MCRIP1: variants seen among roughly 807,000 people sequenced by gnomAD.
MCRIP1 encodes mapk-regulated corepressor-interacting protein 1.
A neutral mutation model predicts 14.4 loss-of-function variants in MCRIP1; 10 were observed. The ratio of observed to expected loss-of-function variants is 0.70; its 90% CI spans 0.43 to 1.18. The LOEUF (loss-of-function observed/expected upper bound fraction) is 1.18, where lower values mean the gene tolerates loss of function less well. Among genes scored for constraint, MCRIP1 ranks in the 50% most tolerant of loss-of-function variants. MCRIP1 has a pLI of 0.00. For synonymous variants in MCRIP1, 53 were observed against 55.7 expected, an observed-to-expected ratio of 0.95 and a Z score of 0.21; for missense variants, 119 against 135.4, an observed-to-expected ratio of 0.88 and a Z score of 0.60.
intron 1 of MCRIP1, 130 bp downstream of exon 1, chr17:81,833,108 C>T (rs1437811917): frequency 6.8e-6 from 1 of 147,584 alleles, no homozygotes; most frequent in East Asian, 1.9e-4. Flanking sequence ...GCTGCCCGGC[C>T]ACTCCCCCGC....
intron 1 of MCRIP1, chr17:81,826,402 T>C: frequency 1.3e-6 from 2 of 1,534,148 alleles, no homozygotes; most frequent in Non-Finnish European, 1.7e-6. Context: ...CATGCACTTG[T>C]AGTCCCAGCT....
chr17:81,823,857 G>A lies in MCRIP1; in HGVS notation c.128-344C>T. ...TCATCCACGCACCTCCCCGGCCCCA[G>A]CACACGGCACACTCCCCTAATCCCA... is the stretch of plus-strand genomic sequence containing the variant. On this transcript the variant is annotated intron_variant, in intron 3 of 4. Transcript: ENST00000455127. This position sits in a 1 kb window ranked among gnomAD's most constrained non-coding sequence, Gnocchi z 6.0. 1 of 544,496 alleles carries A rather than the reference G, an allele frequency of 1.8e-6. No individual in the cohort carries two copies. Among genetic ancestry groups the A allele is most frequent in the Non-Finnish European group, 3.3e-6 (1 of 306,516 alleles). 33.7% of individuals were successfully genotyped at this position (544,496 alleles called of 1,614,324 possible).
chr17:81,827,055 T>C (rs1339140849), intron 1 of MCRIP1, among the ~76,000 whole-genome samples: 1 of 138,502 alleles, frequency 7.2e-6, no homozygotes, highest in Non-Finnish European at 1.6e-5. Context: ...GAGGCGGAGG[T>C]TGCAGTGAGC....
chr17:81,833,041 G>A (rs997044571), intron 1 of MCRIP1, among the ~76,000 whole-genome samples, 197 bp downstream of exon 1: 2 of 150,772 alleles, frequency 1.3e-5, no homozygotes, highest in African/African-American at 4.8e-5. Flanking sequence ...GCGCCCCGCG[G>A]GCCGCGCCCT....
chr17:81,832,488 C>G (rs534221105), intron 1 of MCRIP1, among the ~76,000 whole-genome samples: 1 of 152,356 alleles, frequency 6.6e-6, no homozygotes, highest in South Asian at 2.1e-4. Flanking sequence ...TACACGTTCT[C>G]GCCACATCCC....
At chr17:81,825,262 A>C in intron 1 of MCRIP1, 1 of 1,097,388 alleles carries the variant, frequency 9.1e-7, no homozygotes, top group Non-Finnish European at 1.1e-6. Context: ...CTCCCAGCCC[A>C]GGGGAATCCA....
At chr17:81,831,336 G>A (rs1378752710) in intron 1 of MCRIP1, among the ~76,000 whole-genome samples, 1 of 140,192 alleles carries the variant, frequency 7.1e-6, no homozygotes, top group Non-Finnish European at 1.5e-5. Flanking sequence ...GACAGAGCAA[G>A]ACTCTATCTC....
chr17:81,823,121 C>A lies in MCRIP1; in HGVS notation c.*126G>T. 1 of 889,140 alleles carries A rather than the reference C, an allele frequency of 1.1e-6. No homozygotes were observed. The highest frequency in any genetic ancestry group is 1.5e-5 in the South Asian group (1 of 67,776). 55.1% of individuals were successfully genotyped at this position (889,140 alleles called of 1,614,324 possible). A position where few individuals can be genotyped will look rare whatever the true frequency, so the allele number is the denominator to read the frequency against. On this transcript the variant is annotated 3_prime_UTR_variant, in exon 5 of 5. Coordinates refer to ENST00000455127, the MANE Select transcript of MCRIP1 (RefSeq NM_207368.5). This position sits in a 1 kb window ranked among gnomAD's most constrained non-coding sequence, Gnocchi z 6.0. Reference sequence around the variant, plus strand: ...AGGCAGGCCTCAGCCGTCAGTCACGCCAGTGCTGGGATCTGCAGCCCGCTG... The same window carrying A: ...AGGCAGGCCTCAGCCGTCAGTCACGACAGTGCTGGGATCTGCAGCCCGCTG...
rs1267852375 is a variant in MCRIP1 at position 81,823,366 on chromosome 17, CCCGGCCTG to C, written c.229+38_229+45del. 2 of 1,536,174 alleles carry C rather than the reference CCCGGCCTG, an allele frequency of 1.3e-6. No homozygotes were observed. Among genetic ancestry groups the C allele is most frequent in the East Asian group, 4.9e-5 (2 of 40,898 alleles). On this transcript the variant is annotated intron_variant, in intron 4 of 4. Transcript: ENST00000455127. This position sits in a 1 kb window ranked among gnomAD's most constrained non-coding sequence, Gnocchi z 6.0. ...GCACAGGCCCCTCCTGCCCATGAGGCCCGGCCTGCCGGCCCAGCCCTGCCCCCAGGTCA... is the reference window on the plus strand; with the variant it reads ...GCACAGGCCCCTCCTGCCCATGAGGCCCGGCCCAGCCCTGCCCCCAGGTCA...
intron 1 of MCRIP1, among the ~76,000 whole-genome samples, chr17:81,827,507 G>C (rs980691065): frequency 2.6e-5 from 4 of 151,854 alleles, no homozygotes; most frequent in African/African-American, 9.7e-5. Context: ...TCCTGACCTT[G>C]TGATCCACCC....
intron 1 of MCRIP1, among the ~76,000 whole-genome samples, 174 bp downstream of exon 1, chr17:81,833,064 G>C (rs1359788205): frequency 6.7e-6 from 1 of 149,948 alleles, no homozygotes; most frequent in Non-Finnish European, 1.5e-5. Flanking sequence ...TGCAGGTGCC[G>C]GGCGGGGAAC....
At chr17:81,828,275 C>T (rs758161843) in intron 1 of MCRIP1, among the ~76,000 whole-genome samples, 3 of 147,086 alleles carry the variant, frequency 2.0e-5, no homozygotes, top group Non-Finnish European at 4.5e-5. Flanking sequence ...CCCCACCCCC[C>T]GACCCTGCAC....
At chr17:81,825,668 G>A (rs906312761) in intron 1 of MCRIP1, 9 of 1,289,214 alleles carry the variant, frequency 7.0e-6, no homozygotes, top group Non-Finnish European at 9.1e-6. Flanking sequence ...CCAGCAAAGA[G>A]CAGAAAACCA....
intron 1 of MCRIP1, among the ~76,000 whole-genome samples, chr17:81,830,509 C>T (rs1353756542): frequency 6.6e-6 from 1 of 151,620 alleles, no homozygotes; most frequent in Non-Finnish European, 1.5e-5. Flanking sequence ...TGGTGGCAGT[C>T]GCCTGTAATC....
intron 1 of MCRIP1, among the ~76,000 whole-genome samples, chr17:81,830,891 C>T (rs575285372): frequency 3.1e-4 from 47 of 150,560 alleles, no homozygotes; most frequent in Non-Finnish European, 4.0e-4. Context: ...TTAGGCCAGG[C>T]GCAGTGGCTC....
chr17:81,823,532 G>C lies in MCRIP1; in HGVS notation c.128-19C>G. The C allele has an allele frequency of 6.5e-7, 1 of 1,533,676 alleles. No homozygotes were observed. The highest frequency in any genetic ancestry group is 8.7e-7 in the Non-Finnish European group (1 of 1,144,998). ...TGCCAGGCTGCAGAGGCAGAGAGTG[G>C]TGTGCTCAGGGCCCCCTGCCCCAGG... On this transcript the variant is annotated intron_variant, in intron 3 of 4. Transcript: ENST00000455127. The surrounding 1 kb of genome is among the most constrained non-coding windows in gnomAD (Gnocchi z 6.0).
rs1026329342 is a variant in MCRIP1, at chr17:81,823,015, G to A, written c.*232C>T. 9 of 601,020 alleles carry A rather than the reference G, an allele frequency of 1.5e-5. No individual in the cohort carries two copies. In the East Asian group the frequency reaches 1.7e-4, roughly 11 times the overall value. The allele number at this position is 601,020 out of a possible 1,614,324, so 37.2% of individuals were successfully genotyped here. ...GCAGCCAGGTGGCTGGGGGAGGGCA[G>A]GAGGGTGGGCAGGGCCCAGACCCCC... On this transcript the variant is annotated 3_prime_UTR_variant, in exon 5 of 5. Transcript: ENST00000455127. This position sits in a 1 kb window ranked among gnomAD's most constrained non-coding sequence, Gnocchi z 6.0.
Position 81,823,320 on chromosome 17 carries a change from G to A in MCRIP1, c.230-9C>T. The A allele has an allele frequency of 6.5e-7, 1 of 1,536,982 alleles. No individual in the cohort carries two copies. Among genetic ancestry groups the A allele is most frequent in the Non-Finnish European group, 8.7e-7 (1 of 1,146,788 alleles). On this transcript the variant is annotated splice_polypyrimidine_tract_variant and intron_variant, in intron 4 of 4. Coordinates refer to ENST00000455127, the MANE Select transcript of MCRIP1 (RefSeq NM_207368.5). This position sits in a 1 kb window ranked among gnomAD's most constrained non-coding sequence, Gnocchi z 6.0. ...GTCGATGGGCTTGAAGGCTGCCAGG[G>A]GACAACGCGGTAGGTGGTGGGCACA...
intron 1 of MCRIP1, among the ~76,000 whole-genome samples, chr17:81,828,587 A>G (rs1184758582): frequency 6.6e-6 from 1 of 152,152 alleles, no homozygotes; most frequent in Non-Finnish European, 1.5e-5. Flanking sequence ...GCAGAAGGGT[A>G]GCAATGCACA....
Sources: allele counts gnomAD v4.1 joint callset (sites outside exome capture counted in the v4.1 genomes callset), GRCh38; gene constraint gnomAD v4.1.1; non-coding constraint Gnocchi (gnomAD v3.1); transcripts MANE v1.5; gene names NCBI Gene and HGNC (gene_info 2026-07-23, HGNC 2026-07-21).